Variants in TUSC3 observed in about 807,000 individuals in gnomAD.
The protein encoded by TUSC3 is dolichyl-diphosphooligosaccharide--protein glycosyltransferase subunit TUSC3.
TUSC3 carries 45 observed loss-of-function variants against 44.8 expected under a neutral mutation model. The observed-to-expected ratio is 1.00, with a 90% CI of 0.79 to 1.29. TUSC3 has a LOEUF of 1.29. Among genes scored for constraint, TUSC3 ranks in the 50% most tolerant of loss-of-function variants. The pLI is 0.00. For synonymous variants in TUSC3, 212 were observed against 152.9 expected (o/e 1.39, Z -2.85); for missense variants, 519 against 437.9 (o/e 1.19, Z -1.65).
intron 2 of TUSC3, among the ~76,000 whole-genome samples, chr8:15,521,156 C>T (rs1313601884): frequency 6.6e-6 from 1 of 152,102 alleles, no homozygotes; most frequent in African/African-American, 2.4e-5. Context: ...TGCCTTTAAG[C>T]TAATTTTCTG....
At chr8:15,792,916 A>G in the TUSC3 span, among the ~76,000 whole-genome samples, 7,943 of 151,830 alleles carry the variant, frequency 0.052, 677 homozygotes, top group African/African-American at 0.18. Context: ...ACCATGCCCG[A>G]CCACCTACTA....
rs559649727 is a variant in TUSC3 at position 15,575,478 on chromosome 8, T to C, written c.138+34910T>C. On this transcript the variant is annotated intron_variant, in intron 1 of 10. Transcript: ENST00000503731. ...ATATATATTTTATTTCAAAAATTCT[T>C]CTGAGGGCTGGGTATGGTGGCTCAC... 1.2e-3 allele frequency among the ~76,000 whole-genome samples: 178 copies of C among 152,246 alleles called. 2 individuals are homozygous for C. The highest frequency in any genetic ancestry group is 0.011 in the Admixed American group (169 of 15,272).
At chr8:15,582,203 C>A (rs1008342038) in intron 1 of TUSC3, among the ~76,000 whole-genome samples, 2 of 152,208 alleles carry the variant, frequency 1.3e-5, no homozygotes, top group Non-Finnish European at 2.9e-5. Context: ...CCTGCGCCCA[C>A]TGTCTGGCAC....
At chr8:15,694,469 G>T (rs1809068962) in intron 6 of TUSC3, among the ~76,000 whole-genome samples, 11 of 151,530 alleles carry the variant, frequency 7.3e-5, no homozygotes, top group Admixed American at 7.2e-4. Flanking sequence ...AAGATTGTTG[G>T]GGAACTAGTG....
At chr8:15,431,592 C>A (rs911368906) in intron 1 of TUSC3, among the ~76,000 whole-genome samples, 2 of 151,472 alleles carry the variant, frequency 1.3e-5, no homozygotes, top group Admixed American at 1.3e-4. Context: ...TTAGAGGTTT[C>A]TATATATAGG....
intron 1 of TUSC3, among the ~76,000 whole-genome samples, chr8:15,608,182 T>A (rs1196805402): frequency 2.6e-5 from 4 of 152,310 alleles, no homozygotes; most frequent in South Asian, 2.1e-4. Flanking sequence ...TTGGCTGAAT[T>A]TTATCCATAG....
chr8:15,624,202 T>C (rs1353954212), intron 2 of TUSC3, among the ~76,000 whole-genome samples: 3 of 152,238 alleles, frequency 2.0e-5, no homozygotes, highest in Non-Finnish European at 4.4e-5. Context: ...GATGTACTGC[T>C]GTTTATTTAA....
the TUSC3 span, among the ~76,000 whole-genome samples, chr8:15,843,669 TTATC>T: frequency 0.019 from 2,911 of 151,104 alleles, 86 homozygotes; most frequent in African/African-American, 0.067. Context: ...ATGTTTATAA[TTATC>T]TATATCTATA....
chr8:15,445,242 A>G (rs772046187), intron 1 of TUSC3, among the ~76,000 whole-genome samples: 22 of 152,218 alleles, frequency 1.4e-4, no homozygotes, highest in Non-Finnish European at 2.9e-4. Context: ...TTTGAGAATA[A>G]GGAGAAAACT....
intron 1 of TUSC3, among the ~76,000 whole-genome samples, chr8:15,603,695 A>G (rs1720538362): frequency 6.6e-6 from 1 of 151,658 alleles, no homozygotes; most frequent in African/African-American, 2.4e-5. Context: ...ATGAACATGA[A>G]CTGTGTCTTG....
intron 2 of TUSC3, among the ~76,000 whole-genome samples, chr8:15,510,435 A>G (rs1801117614): frequency 6.6e-6 from 1 of 152,118 alleles, no homozygotes; most frequent in Non-Finnish European, 1.5e-5. Context: ...TACAGGTGCT[A>G]AAGTGATAAT....
At chr8:15,666,864 A>G (rs917016405) in intron 5 of TUSC3, among the ~76,000 whole-genome samples, 3 of 151,486 alleles carry the variant, frequency 2.0e-5, no homozygotes, top group Admixed American at 6.6e-5. Context: ...CCATTTGTGT[A>G]AAGAGTTAGG....
intron 1 of TUSC3, among the ~76,000 whole-genome samples, chr8:15,440,676 A>T (rs1354153067): frequency 6.6e-6 from 1 of 152,214 alleles, no homozygotes; most frequent in East Asian, 1.9e-4. Context: ...TACAAAAAAT[A>T]TATTTCCATG....
chr8:15,509,302 A>T (rs1801101004), intron 2 of TUSC3, among the ~76,000 whole-genome samples: 5 of 152,198 alleles, frequency 3.3e-5, no homozygotes, highest in Non-Finnish European at 1.5e-5. Flanking sequence ...ACTGAATGCT[A>T]CGTGAAATTC....
At chr8:15,439,227 C>G (rs1053474994) in intron 1 of TUSC3, among the ~76,000 whole-genome samples, 4 of 152,294 alleles carry the variant, frequency 2.6e-5, no homozygotes, top group African/African-American at 9.6e-5. Flanking sequence ...CCCAGTGATG[C>G]AGTCCATAGT....
intron 1 of TUSC3, among the ~76,000 whole-genome samples, chr8:15,443,433 G>C (rs1011221032): frequency 6.6e-6 from 1 of 151,504 alleles, no homozygotes; most frequent in Admixed American, 6.6e-5. Context: ...TTCTGGGCTC[G>C]AGTGATCTGC....
chr8:15,734,694 G>A (rs887137143), intron 7 of TUSC3, among the ~76,000 whole-genome samples: 24 of 152,172 alleles, frequency 1.6e-4, no homozygotes, highest in Non-Finnish European at 4.4e-5. Context: ...AGCAAGAGAG[G>A]AACTAACTCC....
chr8:15,575,902 T>C (rs997100120), intron 1 of TUSC3, among the ~76,000 whole-genome samples: 2 of 152,156 alleles, frequency 1.3e-5, no homozygotes, highest in East Asian at 1.9e-4. Flanking sequence ...GAATTTTACA[T>C]TGGGGAAAGT....
chr8:15,776,855 T>C, the TUSC3 span, among the ~76,000 whole-genome samples: 1 of 152,112 alleles, frequency 6.6e-6, no homozygotes, highest in African/African-American at 2.4e-5. Context: ...TTTACTGTTA[T>C]GTGAAAGAAA....
Sources: gnomAD v4.1 joint callset for allele counts (sites outside exome capture counted in the v4.1 genomes callset) on GRCh38, gnomAD v4.1.1 for gene constraint, MANE v1.5 for transcripts, NCBI Gene and HGNC (gene_info 2026-07-23, HGNC 2026-07-21) for gene names.